Variants in DSCAML1 observed in about 807,000 individuals in gnomAD.
DSCAML1 encodes the protein DS cell adhesion molecule like 1, also known as cell adhesion molecule DSCAML1.
DSCAML1 carries 38 observed loss-of-function variants against 200.5 expected under a neutral mutation model. The ratio of observed to expected loss-of-function variants is 0.19; its 90% confidence interval spans 0.15 to 0.25. The LOEUF (loss-of-function observed/expected upper bound fraction) is 0.25, where lower values mean the gene tolerates loss of function less well. Ranked by LOEUF, DSCAML1 falls within the 10% of genes least tolerant of loss-of-function variation. The pLI is 1.00. For missense variants in DSCAML1, 2,223 were observed against 2,858.8 expected, an observed-to-expected ratio of 0.78 and a Z score of 5.07; for synonymous variants, 1,215 against 1,165.0, an observed-to-expected ratio of 1.04 and a Z score of -0.87.
intron 3 of DSCAML1, among the ~76,000 whole-genome samples, chr11:117,689,738 G>A (rs2053463350): frequency 6.6e-6 from 1 of 152,212 alleles, no homozygotes; most frequent in African/African-American, 2.4e-5. Flanking sequence ...CTGGAGACCT[G>A]GATTCAAATG....
chr11:117,445,523 C>T (rs1028472810), intron 20 of DSCAML1, among the ~76,000 whole-genome samples: 5 of 152,224 alleles, frequency 3.3e-5, no homozygotes, highest in East Asian at 1.9e-4. Flanking sequence ...AGTTTCTGGA[C>T]GCTGTTTTCT....
At chr11:117,784,756 G>A (rs1324159521) in intron 1 of DSCAML1, among the ~76,000 whole-genome samples, 1 of 152,150 alleles carries the variant, frequency 6.6e-6, no homozygotes, top group Non-Finnish European at 1.5e-5. Context: ...CAGGCAAGCC[G>A]CTTAGCCCTC....
chr11:117,627,114 C>T (rs1330844840), intron 3 of DSCAML1, among the ~76,000 whole-genome samples: 2 of 152,158 alleles, frequency 1.3e-5, no homozygotes, highest in African/African-American at 4.8e-5. Flanking sequence ...TTTTCTAACT[C>T]TTTTTTAAGC....
At chr11:117,581,806 C>G (rs1017419002) in intron 3 of DSCAML1, among the ~76,000 whole-genome samples, 21 of 152,312 alleles carry the variant, frequency 1.4e-4, no homozygotes, top group Admixed American at 1.2e-3. Context: ...CTCAGAGTTT[C>G]TAACCCAAAG....
intron 3 of DSCAML1, among the ~76,000 whole-genome samples, chr11:117,566,340 T>C (rs74468232): frequency 2.1e-4 from 30 of 141,836 alleles, no homozygotes; most frequent in Non-Finnish European, 2.3e-4. Flanking sequence ...TTTCTTTTCT[T>C]TCTCTCTCTC....
chr11:117,598,213 C>T (rs2051399719), intron 3 of DSCAML1, among the ~76,000 whole-genome samples: 1 of 152,164 alleles, frequency 6.6e-6, no homozygotes, highest in Non-Finnish European at 1.5e-5. Context: ...GATCTCCCTA[C>T]CTTGGTCATT....
intron 3 of DSCAML1, among the ~76,000 whole-genome samples, chr11:117,596,282 T>C (rs530188336): frequency 6.6e-6 from 1 of 152,202 alleles, no homozygotes; most frequent in South Asian, 2.1e-4. Context: ...CCAGATCTTT[T>C]GAAACTACAA....
chr11:117,751,925 C>T (rs541941267), intron 3 of DSCAML1, among the ~76,000 whole-genome samples: 5 of 152,138 alleles, frequency 3.3e-5, no homozygotes, highest in Non-Finnish European at 2.9e-5. Context: ...TTCCCTAGGC[C>T]GAGATTCTCA....
At chr11:117,738,686 A>C (rs1422695954) in intron 3 of DSCAML1, among the ~76,000 whole-genome samples, 1 of 152,166 alleles carries the variant, frequency 6.6e-6, no homozygotes, top group Non-Finnish European at 1.5e-5. Context: ...CATGATGCCC[A>C]GGGAAGAGGT....
At chr11:117,625,426 G>T (rs1487724762) in intron 3 of DSCAML1, among the ~76,000 whole-genome samples, 3 of 152,198 alleles carry the variant, frequency 2.0e-5, no homozygotes. Context: ...ATGAGCAGGG[G>T]AGAGAACACT....
At chr11:117,464,029 G>C (rs988015694) in intron 17 of DSCAML1, among the ~76,000 whole-genome samples, 1 of 152,168 alleles carries the variant, frequency 6.6e-6, no homozygotes. Context: ...GGAGGACATT[G>C]CTTCCTCTAA....
rs747955032 is a variant in DSCAML1 at position 117,653,254 on chromosome 11, C to T, written c.512-120732G>A. On this transcript the variant is annotated intron_variant, in intron 3 of 32. Transcript: ENST00000651296. ...TTATAATCCTGGTCGCCATGAGCCA[C>T]AGTCCCCTTTCTCATGATTTTCCCC... Among the ~76,000 whole-genome samples the T allele has an allele frequency of 2.6e-5, 4 of 152,274 alleles. No homozygotes were observed. The South Asian group carries it at 6.2e-4, about 24-fold the overall frequency.
intron 20 of DSCAML1, 134 bp from the exon 21 acceptor site, chr11:117,444,173 C>G: frequency 3.6e-6 from 4 of 1,116,644 alleles, no homozygotes; most frequent in Non-Finnish European, 4.9e-6. Context: ...CCTATTTGCC[C>G]TTTCCAAGTT....
chr11:117,784,250 AC>A (rs1186292469), intron 1 of DSCAML1, among the ~76,000 whole-genome samples: 7 of 152,098 alleles, frequency 4.6e-5, no homozygotes, highest in African/African-American at 1.7e-4. Context: ...ATGAAACATC[AC>A]CCTCAGGTGT....
At chr11:117,700,482 G>A (rs2053648404) in intron 3 of DSCAML1, among the ~76,000 whole-genome samples, 1 of 152,232 alleles carries the variant, frequency 6.6e-6, no homozygotes, top group Non-Finnish European at 1.5e-5. Context: ...AGCCCAGCCA[G>A]TTCGAACCCA....
chr11:117,688,621 C>G (rs2053446292), intron 3 of DSCAML1, among the ~76,000 whole-genome samples: 1 of 152,140 alleles, frequency 6.6e-6, no homozygotes, highest in African/African-American at 2.4e-5. Flanking sequence ...TGCTGTGTGA[C>G]CTTGGGCAGG....
intron 3 of DSCAML1, among the ~76,000 whole-genome samples, chr11:117,695,540 C>T (rs946571520): frequency 1.3e-5 from 2 of 152,082 alleles, no homozygotes; most frequent in African/African-American, 4.8e-5. Flanking sequence ...GAGAAGCCAA[C>T]ATGCAGCAGG....
intron 3 of DSCAML1, among the ~76,000 whole-genome samples, chr11:117,571,767 G>A (rs943983185): frequency 6.6e-6 from 1 of 152,196 alleles, no homozygotes; most frequent in African/African-American, 2.4e-5. Flanking sequence ...CTACTGGGCT[G>A]CATTCCCAGA....
intron 21 of DSCAML1, among the ~76,000 whole-genome samples, chr11:117,440,567 A>G: frequency 6.6e-6 from 1 of 152,214 alleles, no homozygotes; most frequent in South Asian, 2.1e-4. Context: ...CTTTGTTGGC[A>G]GGGCCAGGAG....
Sources: allele counts gnomAD v4.1 joint callset (sites outside exome capture counted in the v4.1 genomes callset), GRCh38; gene constraint gnomAD v4.1.1; transcripts MANE v1.5; gene names NCBI Gene and HGNC (gene_info 2026-07-23, HGNC 2026-07-21).